GLP2R: variants seen among roughly 807,000 people sequenced by gnomAD.
The protein encoded by GLP2R is glucagon-like peptide 2 receptor.
In GLP2R, 59 loss-of-function variants were observed where a neutral mutation model predicts 68.2. The ratio of observed to expected loss-of-function variants is 0.87; its 90% confidence interval spans 0.70 to 1.07. The LOEUF (loss-of-function observed/expected upper bound fraction) is 1.07. Among genes scored for constraint, GLP2R ranks in the 50% least tolerant of loss-of-function variants. GLP2R has a pLI of 0.00. For synonymous variants in GLP2R, 270 were observed against 265.4 expected (o/e 1.02, Z -0.17); for missense variants, 548 against 677.4 (o/e 0.81, Z 2.12).
At chr17:9,883,957 G>A (rs879749841) in intron 11 of GLP2R, among the ~76,000 whole-genome samples, 1 of 152,160 alleles carries the variant, frequency 6.6e-6, no homozygotes, top group Non-Finnish European at 1.5e-5. Context: ...AGGTAAATCT[G>A]AAAGGCTATG....
Position 9,856,835 on chromosome 17 carries a change from T to G in GLP2R, c.612-588T>G, listed in dbSNP as rs565332929. On this transcript the variant is annotated intron_variant, in intron 5 of 12. Transcript: ENST00000262441. ...ATAATAATTCCTATACCTCCAGTGG[T>G]GGTAAGGAGTAAGAATACTCAAATG... Among the ~76,000 whole-genome samples, 3 of 152,240 alleles carry G rather than the reference T, an allele frequency of 2.0e-5. No individual in the cohort carries two copies. In the East Asian group the frequency reaches 5.8e-4, roughly 29 times the overall value.
chr17:9,858,898 T>A (rs76211420), intron 6 of GLP2R, among the ~76,000 whole-genome samples: 2,135 of 152,332 alleles, frequency 0.014, 29 homozygotes, highest in Non-Finnish European at 0.021. Context: ...TTCTCAACTT[T>A]ATTGGACTTT....
At chr17:9,865,333 T>G (rs1041266023) in intron 9 of GLP2R, among the ~76,000 whole-genome samples, 4 of 152,194 alleles carry the variant, frequency 2.6e-5, no homozygotes, top group Admixed American at 6.5e-5. Context: ...TGTGTGTGTG[T>G]GTGCAGACCT....
chr17:9,860,211 A>C, intron 7 of GLP2R, 110 bp downstream of exon 7: 1 of 1,010,648 alleles, frequency 9.9e-7, no homozygotes, highest in Non-Finnish European at 1.4e-6. Flanking sequence ...CTTCTGGGAC[A>C]TATAAGTCCT....
intron 4 of GLP2R, among the ~76,000 whole-genome samples, chr17:9,853,945 C>T (rs992786525): frequency 3.3e-5 from 5 of 152,152 alleles, no homozygotes; most frequent in African/African-American, 1.2e-4. Context: ...ACAAAAAAAT[C>T]GCATTTAATA....
chr17:9,861,942 C>T (rs1382786413), intron 8 of GLP2R, 79 bp from the exon 9 acceptor site: 4 of 977,802 alleles, frequency 4.1e-6, no homozygotes, highest in Admixed American at 1.7e-5. Context: ...CATCCTTCTT[C>T]CAGAGAGCAT....
chr17:9,866,943 G>A (rs940142808), intron 9 of GLP2R: 1 of 152,070 alleles, frequency 6.6e-6, no homozygotes, highest in African/African-American at 2.4e-5. Flanking sequence ...ACTAGACTGT[G>A]ACATAACCAA....
At chr17:9,887,331 A>G (rs1268645516) in intron 11 of GLP2R, among the ~76,000 whole-genome samples, 1 of 152,150 alleles carries the variant, frequency 6.6e-6, no homozygotes, top group Non-Finnish European at 1.5e-5. Flanking sequence ...GTTTGAGACC[A>G]GCCTGCCCAA....
rs1006370840 is a variant in GLP2R at position 9,891,826 on chromosome 17, G to C, written c.*2121G>C. 1 of 152,136 alleles carries C rather than the reference G, an allele frequency of 6.6e-6. No homozygotes were observed. The highest frequency in any genetic ancestry group is 6.5e-5 in the Admixed American group (1 of 15,270). 9.4% of individuals were successfully genotyped at this position (152,136 alleles called of 1,614,324 possible). A position where few individuals can be genotyped will look rare whatever the true frequency, so the allele number is the denominator to read the frequency against. ...TCATCAGCCAATTAGCTCCTAGAAA[G>C]CTGGGGTCATCTCGTATTCCCAGCA... is the stretch of plus-strand genomic sequence containing the variant. On this transcript the variant is annotated 3_prime_UTR_variant, in exon 13 of 13. Transcript: ENST00000262441.
intron 3 of GLP2R, among the ~76,000 whole-genome samples, chr17:9,839,636 A>G (rs1459923548): frequency 6.6e-6 from 1 of 152,090 alleles, no homozygotes; most frequent in Non-Finnish European, 1.5e-5. Flanking sequence ...AAAGCTTTCT[A>G]AAATATCATT....
At chr17:9,852,805 TC>T (rs1451964759) in intron 4 of GLP2R, 1 of 279,658 alleles carries the variant, frequency 3.6e-6, no homozygotes, top group Non-Finnish European at 6.9e-6. Flanking sequence ...TTCTTCAACA[TC>T]ATCATCTTCA....
intron 1 of GLP2R, among the ~76,000 whole-genome samples, chr17:9,828,823 G>A (rs550491372): frequency 2.6e-5 from 4 of 152,210 alleles, no homozygotes; most frequent in South Asian, 2.1e-4. Flanking sequence ...CTTTCAGTCT[G>A]GTATTTTTAT....
rs745461178 is a variant in GLP2R at position 9,857,416 on chromosome 17, C to T, written c.612-7C>T. 66 of 1,613,856 alleles carry T rather than the reference C, an allele frequency of 4.1e-5. No individual in the cohort carries two copies. In the Admixed American group the frequency reaches 6.8e-4, roughly 17 times the overall value. On this transcript the variant is annotated splice_polypyrimidine_tract_variant and splice_region_variant and intron_variant, in intron 5 of 12. Coordinates refer to ENST00000262441, the MANE Select transcript of GLP2R (RefSeq NM_004246.3). ...GAGGGAAGGCATTTGGTTTTCTCCT[C>T]GCACAGAAAACTCCACTGCACGCGC...
intron 3 of GLP2R, among the ~76,000 whole-genome samples, chr17:9,839,866 G>A (rs968602966): frequency 2.0e-5 from 3 of 152,016 alleles, no homozygotes; most frequent in Admixed American, 2.0e-4. Context: ...CTCTGGCCAT[G>A]CTCCTCTGCC....
chr17:9,881,412 G>A lies in GLP2R; in HGVS notation c.1284+896G>A, dbSNP rs1036386421. 6.0e-5 allele frequency among the ~76,000 whole-genome samples: 7 copies of A among 116,156 alleles called. 1 individual carries two copies. Among genetic ancestry groups the A allele is most frequent in the African/African-American group, 3.4e-4 (7 of 20,794 alleles). The allele number at this position is 116,156 out of a possible 152,430, so 76.2% of individuals were successfully genotyped here. ...TTTTTTTTTTTTGAGACGGAGTCTC[G>A]CTCTGTCGCCCAGGCTGGAGTGCAG... is the stretch of plus-strand genomic sequence containing the variant. On this transcript the variant is annotated intron_variant, in intron 11 of 12. Transcript: ENST00000262441.
At chr17:9,884,714 T>C (rs1395089940) in intron 11 of GLP2R, among the ~76,000 whole-genome samples, 1 of 152,208 alleles carries the variant, frequency 6.6e-6, no homozygotes, top group Non-Finnish European at 1.5e-5. Flanking sequence ...GTTGAATTCT[T>C]TGTGGCTTTG....
chr17:9,867,459 C>G (rs2067049865), intron 9 of GLP2R, among the ~76,000 whole-genome samples: 1 of 152,190 alleles, frequency 6.6e-6, no homozygotes, highest in Non-Finnish European at 1.5e-5. Context: ...TCCAGATGCC[C>G]TTTGGGTCTC....
intron 2 of GLP2R, chr17:9,834,403 T>G (rs911336654): frequency 6.0e-6 from 1 of 165,292 alleles, no homozygotes. Context: ...TGGGAATCTG[T>G]TAAAGGAATG....
chr17:9,841,731 C>A (rs2066789215), intron 3 of GLP2R, among the ~76,000 whole-genome samples: 1 of 152,078 alleles, frequency 6.6e-6, no homozygotes, highest in Admixed American at 6.5e-5. Flanking sequence ...GGGGCTATAC[C>A]CTTTGGTTGT....
Sources: gnomAD v4.1 joint callset for allele counts (sites outside exome capture counted in the v4.1 genomes callset) on GRCh38, gnomAD v4.1.1 for gene constraint, MANE v1.5 for transcripts, NCBI Gene and HGNC (gene_info 2026-07-23, HGNC 2026-07-21) for gene names.